Variants in NSD3 observed in about 807,000 individuals in gnomAD.
NSD3 encodes the protein nuclear receptor binding SET domain protein 3.
Under a neutral mutation model 160.8 loss-of-function variants are expected in NSD3, and 24 were observed. That is an observed-to-expected ratio of 0.15 (90% CI 0.11 to 0.21). NSD3 has a LOEUF of 0.21. Ranked by LOEUF, NSD3 falls within the 10% of genes least tolerant of loss-of-function variation. NSD3 has a pLI of 1.00. For missense variants in NSD3, 1,157 were observed against 1,735.9 expected, an observed-to-expected ratio of 0.67 and a Z score of 5.93; for synonymous variants, 520 against 600.0, an observed-to-expected ratio of 0.87 and a Z score of 1.95.
chr8:38,278,483 C>T, intron 21 of NSD3, 71 bp from the exon 22 acceptor site: 1 of 1,295,450 alleles, frequency 7.7e-7, no homozygotes, highest in Non-Finnish European at 1.1e-6. Context: ...AGGCACACTC[C>T]CCTAATGAAA....
chr8:38,279,661 G>T lies in NSD3; in HGVS notation c.3639C>A (p.Gly1213=). 2 of 1,613,664 alleles carry T rather than the reference G, an allele frequency of 1.2e-6. No individual in the cohort carries two copies. Among genetic ancestry groups the T allele is most frequent in the Middle Eastern group, 1.7e-4 (1 of 6,058 alleles). The change falls in exon 21 of 24, where the codon GGC becomes GGA. Residue 1213 remains glycine, a synonymous_variant. Transcript: ENST00000317025. ...TVTKDRIIDA[G]PKGNYSRFMN... is the part of the protein sequence containing the mutation. ...TGAAGCGAGAATAATTTCCTTTTGGGCCGGCATCAATTATACGGTCCTTCA... is the reference window on the plus strand; with the variant it reads ...TGAAGCGAGAATAATTTCCTTTTGGTCCGGCATCAATTATACGGTCCTTCA...
intron 1 of NSD3, among the ~76,000 whole-genome samples, chr8:38,379,389 T>G (rs758074323): frequency 2.0e-5 from 3 of 152,044 alleles, no homozygotes; most frequent in Non-Finnish European, 4.4e-5. Flanking sequence ...TGATAGCTCA[T>G]GCACACAATT....
At chr8:38,364,727 C>T (rs775369602) in intron 1 of NSD3, among the ~76,000 whole-genome samples, 1 of 152,098 alleles carries the variant, frequency 6.6e-6, no homozygotes, top group Admixed American at 6.6e-5. Flanking sequence ...AGAAAGAAAA[C>T]TTGTAGTAAT....
In NSD3 at chr8:38,318,386, C is replaced by A. The variant is rs971766315; in HGVS notation, c.1855+509G>T. 6.6e-6 allele frequency among the ~76,000 whole-genome samples: 1 copy of A among 152,092 alleles called. No homozygotes were observed. Among genetic ancestry groups the A allele is most frequent in the African/African-American group, 2.4e-5 (1 of 41,402 alleles). ...GCTTTCTTAAACTTTGTGCATATCTCAAATAGATTCGCATAAGGTCATCTA... is the reference window on the plus strand; with the variant it reads ...GCTTTCTTAAACTTTGTGCATATCTAAAATAGATTCGCATAAGGTCATCTA... On this transcript the variant is annotated intron_variant, in intron 9 of 23. Transcript: ENST00000317025. This position sits in a 1 kb window ranked among gnomAD's most constrained non-coding sequence, Gnocchi z 5.3.
At chr8:38,278,075 A>T (rs1467329717) in intron 22 of NSD3, among the ~76,000 whole-genome samples, 1 of 151,886 alleles carries the variant, frequency 6.6e-6, no homozygotes, top group Non-Finnish European at 1.5e-5. Flanking sequence ...AGTAGCTGGG[A>T]CTACAGGCAC....
In NSD3 at chr8:38,319,037, G is replaced by C. The variant is rs1809738035; in HGVS notation, c.1810-97C>G. 1 of 1,080,322 alleles carries C rather than the reference G, an allele frequency of 9.3e-7. No individual in the cohort carries two copies. The highest frequency in any genetic ancestry group is 1.4e-6 in the Non-Finnish European group (1 of 730,640). The allele number at this position is 1,080,322 out of a possible 1,614,324, so 66.9% of individuals were successfully genotyped here. A position where few individuals can be genotyped will look rare whatever the true frequency, so the allele number is the denominator to read the frequency against. On this transcript the variant is annotated intron_variant, in intron 8 of 23. Transcript: ENST00000317025. The surrounding 1 kb of genome is among the most constrained non-coding windows in gnomAD (Gnocchi z 4.1). ...TACTTTCATCAATCTAAGCAATGAT[G>C]AGTGATTAATGTATCTGAAATCTGA...
At chr8:38,312,121 G>T (rs1809548819) in intron 12 of NSD3, among the ~76,000 whole-genome samples, 1 of 152,062 alleles carries the variant, frequency 6.6e-6, no homozygotes, top group African/African-American at 2.4e-5. Flanking sequence ...GCTTACTCCT[G>T]GGCTTTCTAT....
intron 1 of NSD3, among the ~76,000 whole-genome samples, chr8:38,348,625 T>C (rs1473107556): frequency 6.6e-6 from 1 of 152,214 alleles, no homozygotes; most frequent in African/African-American, 2.4e-5. Flanking sequence ...TTTTGTCCAG[T>C]GGTTGTTTTT....
rs1481979002 is a variant in NSD3, at chr8:38,288,378, T to TGGAAAGTTAACAGGAAG, written c.3501+108_3501+109insCTTCCTGTTAACTTTCC. 6.9e-7 allele frequency: 1 copy of TGGAAAGTTAACAGGAAG among 1,456,604 alleles called. No homozygotes were observed. Among genetic ancestry groups the TGGAAAGTTAACAGGAAG allele is most frequent in the African/African-American group, 1.4e-5 (1 of 70,462 alleles). 90.2% of individuals were successfully genotyped at this position (1,456,604 alleles called of 1,614,324 possible). ...ACTCTCAACATGGAAAGTTTTAACA[T>TGGAAAGTTAACAGGAAG]TTTACCACAAATTCCTGCTGATTTT... On this transcript the variant is annotated intron_variant, in intron 19 of 23. Coordinates refer to ENST00000317025, the MANE Select transcript of NSD3 (RefSeq NM_023034.2). This position sits in a 1 kb window ranked among gnomAD's most constrained non-coding sequence, Gnocchi z 4.5.
intron 12 of NSD3, among the ~76,000 whole-genome samples, chr8:38,309,048 C>T (rs1343155075): frequency 6.6e-6 from 1 of 151,990 alleles, no homozygotes; most frequent in East Asian, 1.9e-4. Context: ...GTGACACATG[C>T]CTGTAATCCC....
At chr8:38,335,057 C>T (rs1810181945) in intron 4 of NSD3, among the ~76,000 whole-genome samples, 1 of 145,586 alleles carries the variant, frequency 6.9e-6, no homozygotes, top group African/African-American at 2.6e-5. Context: ...GATCTCGGCT[C>T]ACTGCAACCG....
chr8:38,278,476 C>A, intron 21 of NSD3, 64 bp from the exon 22 acceptor site: 1 of 1,367,640 alleles, frequency 7.3e-7, no homozygotes, highest in Non-Finnish European at 1.0e-6. Flanking sequence ...CTCTCACAGG[C>A]ACACTCCCCT....
At chr8:38,279,417 A>G (rs907097382) in intron 21 of NSD3, 123 bp downstream of exon 21, 1 of 1,202,298 alleles carries the variant, frequency 8.3e-7, no homozygotes, top group Admixed American at 2.3e-5. Context: ...CGTTTTCTAA[A>G]TATAACCTTC....
intron 21 of NSD3, among the ~76,000 whole-genome samples, chr8:38,278,793 C>A (rs1808671404): frequency 6.6e-6 from 1 of 152,178 alleles, no homozygotes; most frequent in East Asian, 1.9e-4. Flanking sequence ...TGTAACAATA[C>A]TATTTCCAGT....
chr8:38,346,008 T>C (rs1465252059), intron 2 of NSD3, among the ~76,000 whole-genome samples: 1 of 152,010 alleles, frequency 6.6e-6, no homozygotes, highest in East Asian at 1.9e-4. Context: ...ATAGCAGACA[T>C]CTAACAGAGA....
chr8:38,324,172 C>T (rs2150373049), intron 7 of NSD3, among the ~76,000 whole-genome samples: 1 of 152,308 alleles, frequency 6.6e-6, no homozygotes, highest in East Asian at 1.9e-4. Context: ...GTAAGTTCAT[C>T]TTTTTATAAA....
chr8:38,307,114 C>CAAAAAAAAAAAAAAAAA (rs1194554014), intron 12 of NSD3, among the ~76,000 whole-genome samples: 1 of 64,238 alleles, frequency 1.6e-5, no homozygotes. Context: ...GATACCGTCT[C>CAAAAAAAAAAAAAAAAA]AAAAAAAAAA....
chr8:38,281,292 A>T (rs1808726672), intron 20 of NSD3, among the ~76,000 whole-genome samples, 175 bp downstream of exon 20: 2 of 152,208 alleles, frequency 1.3e-5, no homozygotes, highest in Middle Eastern at 3.4e-3. Flanking sequence ...AGTATCATTC[A>T]TTTTTTTACT....
At chr8:38,304,027 C>A (rs762936453) in intron 14 of NSD3, among the ~76,000 whole-genome samples, 1 of 152,210 alleles carries the variant, frequency 6.6e-6, no homozygotes, top group Non-Finnish European at 1.5e-5. Flanking sequence ...ACTTAAACGT[C>A]AACAGCTGGC....
Sources: gnomAD v4.1 joint callset for allele counts (sites outside exome capture counted in the v4.1 genomes callset) on GRCh38, gnomAD v4.1.1 for gene constraint, Gnocchi (gnomAD v3.1) non-coding constraint, MANE v1.5 for transcripts, NCBI Gene and HGNC (gene_info 2026-07-23, HGNC 2026-07-21) for gene names.